PCDHA2: variants seen among roughly 807,000 people sequenced by gnomAD.
PCDHA2 encodes the protein protocadherin alpha-2.
Under a neutral mutation model 66.0 loss-of-function variants are expected in PCDHA2, and 58 were observed. That is an observed-to-expected ratio of 0.88 (90% CI 0.71 to 1.09). The LOEUF is 1.09. Among genes scored for constraint, PCDHA2 ranks in the 50% least tolerant of loss-of-function variants. The probability of loss-of-function intolerance (pLI) is 0.00; values close to 1 mark genes in which losing one functional copy is unlikely to be tolerated. For missense variants in PCDHA2, 1,267 were observed against 1,242.3 expected, an observed-to-expected ratio of 1.02 and a Z score of -0.30; for synonymous variants, 634 against 554.0, an observed-to-expected ratio of 1.14 and a Z score of -2.03.
chr5:140,965,307 C>T (rs2095888914), intron 1 of PCDHA2, among the ~76,000 whole-genome samples: 1 of 152,150 alleles, frequency 6.6e-6, no homozygotes, highest in Admixed American at 6.5e-5. Context: ...ATCCTTCTAC[C>T]TTCTCTTTTA....
chr5:140,877,215 A>T, intron 1 of PCDHA2: 1 of 1,613,722 alleles, frequency 6.2e-7, no homozygotes, highest in Non-Finnish European at 8.5e-7. Context: ...GCGAGTTGGT[A>T]CCGCGGTCGG....
intron 1 of PCDHA2, chr5:140,856,917 G>C (rs782649806): frequency 6.3e-7 from 1 of 1,595,592 alleles, no homozygotes; most frequent in Non-Finnish European, 8.6e-7. Context: ...ACGATAAGAA[G>C]GAAATTTTGG....
Position 140,794,884 on chromosome 5 carries a change from C to A in PCDHA2, c.-81C>A. 1 of 1,414,042 alleles carries A rather than the reference C, an allele frequency of 7.1e-7. No homozygotes were observed. The highest frequency in any genetic ancestry group is 9.6e-7 in the Non-Finnish European group (1 of 1,040,070). 87.6% of individuals were successfully genotyped at this position (1,414,042 alleles called of 1,614,324 possible). A position where few individuals can be genotyped will look rare whatever the true frequency, so the allele number is the denominator to read the frequency against. On this transcript the variant is annotated 5_prime_UTR_variant, in exon 1 of 4. Transcript: ENST00000526136. ...AGAAGCGGAGGAATAAGAGAAGCAG[C>A]AGGACTTTAACAGAGACTAGAATAT...
intron 1 of PCDHA2, chr5:140,847,378 T>C (rs2150399722): frequency 6.7e-6 from 1 of 149,708 alleles, no homozygotes; most frequent in East Asian, 1.9e-4. Context: ...AAAAGATAAA[T>C]ATGCAAAAAC....
intron 1 of PCDHA2, among the ~76,000 whole-genome samples, chr5:140,917,805 T>C (rs2153545461): frequency 6.6e-6 from 1 of 152,328 alleles, no homozygotes; most frequent in African/African-American, 2.4e-5. Flanking sequence ...AGCCTTGCAG[T>C]ATAGTTGAAG....
chr5:140,915,132 AGAGAC>A (rs1406752818), intron 1 of PCDHA2, among the ~76,000 whole-genome samples: 1 of 151,994 alleles, frequency 6.6e-6, no homozygotes, highest in Non-Finnish European at 1.5e-5. Flanking sequence ...TATTTTTAGT[AGAGAC>A]GGGGTTTCAC....
intron 1 of PCDHA2, among the ~76,000 whole-genome samples, chr5:140,942,069 A>G (rs1384507706): frequency 1.3e-5 from 2 of 152,234 alleles, no homozygotes; most frequent in Non-Finnish European, 2.9e-5. Flanking sequence ...TAATTGAGCC[A>G]AGAGAGCACA....
intron 1 of PCDHA2, among the ~76,000 whole-genome samples, chr5:140,972,018 A>G (rs2096514313): frequency 6.6e-6 from 1 of 152,162 alleles, no homozygotes; most frequent in Non-Finnish European, 1.5e-5. Flanking sequence ...TTTATATGGG[A>G]TATTCAGGCA....
At position 140,928,212 on chromosome 5, in the gene PCDHA2, C is replaced by G. The variant is rs1388758279; in HGVS notation, c.2389-50737C>G. The G allele has an allele frequency of 2.5e-6, 4 of 1,614,106 alleles. No individual in the cohort carries two copies. The African/African-American group carries it at 5.3e-5, about 22-fold the overall frequency. On this transcript the variant is annotated intron_variant, in intron 1 of 3. Coordinates refer to ENST00000526136, the MANE Select transcript of PCDHA2 (RefSeq NM_018905.3). Reference sequence around the variant, plus strand: ...CTGTGTCAGTTGCTGATGTGAATGACAATACACCAAACTTTCCTCAACCCC... The same window carrying G: ...CTGTGTCAGTTGCTGATGTGAATGAGAATACACCAAACTTTCCTCAACCCC...
chr5:140,897,923 G>A (rs371929339), intron 1 of PCDHA2, among the ~76,000 whole-genome samples: 11 of 152,078 alleles, frequency 7.2e-5, no homozygotes, highest in East Asian at 5.8e-4. Flanking sequence ...TTTGATTTGC[G>A]TTTCTCTGAT....
chr5:140,928,161 C>T (rs155820), intron 1 of PCDHA2: 1 of 1,613,960 alleles, frequency 6.2e-7, no homozygotes, highest in South Asian at 1.1e-5. Context: ...GTGGCTCACC[C>T]CCACTTAGCA....
chr5:140,876,898 A>G (rs2056678585), intron 1 of PCDHA2: 38 of 1,614,056 alleles, frequency 2.4e-5, no homozygotes, highest in Non-Finnish European at 3.1e-5. Flanking sequence ...CCACATCTTC[A>G]CGGTGTCGGC....
intron 1 of PCDHA2, among the ~76,000 whole-genome samples, chr5:140,945,934 T>C (rs1161156525): frequency 2.0e-5 from 3 of 152,092 alleles, no homozygotes; most frequent in African/African-American, 4.8e-5. Context: ...TGAGCAATGA[T>C]GTTTTTTATA....
chr5:140,832,113 T>G (rs1554133464), intron 1 of PCDHA2, among the ~76,000 whole-genome samples: 1 of 152,230 alleles, frequency 6.6e-6, no homozygotes, highest in Non-Finnish European at 1.5e-5. Flanking sequence ...TAAAAGCAAT[T>G]TAAAATGTGT....
At chr5:140,875,412 A>G in intron 1 of PCDHA2, 4 of 1,505,550 alleles carry the variant, frequency 2.7e-6, no homozygotes, top group Non-Finnish European at 3.5e-6. Context: ...CTCATAAAAT[A>G]CCTCAGGCAA....
At position 140,951,544 on chromosome 5, in the gene PCDHA2, G is replaced by A. The variant is rs543008494; in HGVS notation, c.2389-27405G>A. On this transcript the variant is annotated intron_variant, in intron 1 of 3. Transcript: ENST00000526136. ...CATGGCCGGTGCAGGAGCAAGGGAC[G>A]GGGGGAAGTGCTACGCACTTTTAAA... Among the ~76,000 whole-genome samples the A allele has an allele frequency of 1.4e-3, 220 of 151,994 alleles. 1 individual carries two copies. The highest frequency in any genetic ancestry group is 4.9e-3 in the African/African-American group (204 of 41,462).
intron 1 of PCDHA2, chr5:140,828,692 G>A (rs1373122002): frequency 1.2e-6 from 2 of 1,614,198 alleles, no homozygotes; most frequent in Non-Finnish European, 1.7e-6. Flanking sequence ...GAAATCCTTG[G>A]ACAGAGAGGA....
chr5:140,926,652 C>T, intron 1 of PCDHA2: 1 of 499,312 alleles, frequency 2.0e-6, no homozygotes, highest in East Asian at 3.6e-5. Flanking sequence ...CGGCCGGCTC[C>T]GCTTTCCCAG....
chr5:140,901,356 T>C (rs1554189806), intron 1 of PCDHA2, among the ~76,000 whole-genome samples: 1 of 152,232 alleles, frequency 6.6e-6, no homozygotes, highest in Non-Finnish European at 1.5e-5. Context: ...GTCTTAGATT[T>C]AAGTCTTTAA....
Sources: gnomAD v4.1 joint callset for allele counts (sites outside exome capture counted in the v4.1 genomes callset) on GRCh38, gnomAD v4.1.1 for gene constraint, MANE v1.5 for transcripts, NCBI Gene and HGNC (gene_info 2026-07-23, HGNC 2026-07-21) for gene names.